The following PCSK6 variants were observed in gnomAD, a reference collection of about 807,000 sequenced individuals.
The protein encoded by PCSK6 is proprotein convertase subtilisin/kexin type 6.
A neutral mutation model predicts 123.3 loss-of-function variants in PCSK6; 85 were observed. The ratio of observed to expected loss-of-function variants is 0.69; its 90% confidence interval spans 0.58 to 0.83. The LOEUF (loss-of-function observed/expected upper bound fraction) is 0.83. PCSK6 is among the 40% of genes least tolerant of loss of function. The pLI, the probability that PCSK6 is intolerant of heterozygous loss-of-function variation, is 0.00. For synonymous variants in PCSK6, 508 were observed against 516.0 expected (o/e 0.98, Z 0.21); for missense variants, 1,191 against 1,282.3 (o/e 0.93, Z 1.09).
At chr15:101,331,731 C>A (rs748653776) in intron 14 of PCSK6, 42 bp from the exon 15 acceptor site, 1 of 1,546,986 alleles carries the variant, frequency 6.5e-7, no homozygotes, top group East Asian at 2.3e-5. Context: ...GACTCCCAGG[C>A]AAGAGAGACA....
chr15:101,424,842 A>T (rs761924899), intron 6 of PCSK6, among the ~76,000 whole-genome samples: 4 of 152,208 alleles, frequency 2.6e-5, no homozygotes, highest in Admixed American at 6.5e-5. Context: ...GATATGCATG[A>T]TAACAGGGAT....
At position 101,426,714 on chromosome 15, in the gene PCSK6, GGTACTGCTCATAA is replaced by G. The variant is rs1309699637; in HGVS notation, c.823+1165_823+1177del. Among the ~76,000 whole-genome samples the G allele has an allele frequency of 8.6e-5, 13 of 151,958 alleles. No individual in the cohort carries two copies. In the East Asian group the frequency reaches 2.5e-3, roughly 29 times the overall value. The stretch of plus-strand genomic sequence containing the variant: ...GAACCGTGGCCCAACCTCCCTGCCT[GGTACTGCTCATAA>G]GTGGAGCCAAAGCGGCTGCAGCCAC... On this transcript the variant is annotated intron_variant, in intron 6 of 21. Transcript: ENST00000611716.
intron 11 of PCSK6, among the ~76,000 whole-genome samples, chr15:101,371,437 T>C (rs1360965778): frequency 1.3e-5 from 2 of 152,052 alleles, no homozygotes; most frequent in Non-Finnish European, 2.9e-5. Context: ...CCTAAATATA[T>C]AAAAATAATT....
At chr15:101,439,108 T>G (rs567371466) in intron 2 of PCSK6, among the ~76,000 whole-genome samples, 7 of 152,130 alleles carry the variant, frequency 4.6e-5, no homozygotes, top group South Asian at 4.2e-4. Context: ...AGGCAAGAGA[T>G]GACAGGAGCT....
At chr15:101,440,391 T>C (rs1302815848) in intron 2 of PCSK6, among the ~76,000 whole-genome samples, 2 of 152,264 alleles carry the variant, frequency 1.3e-5, no homozygotes, top group African/African-American at 4.8e-5. Context: ...TAAGTGTGCG[T>C]GCACACACGT....
At chr15:101,424,612 G>C (rs1193162255) in intron 6 of PCSK6, among the ~76,000 whole-genome samples, 1 of 148,224 alleles carries the variant, frequency 6.7e-6, no homozygotes, top group Non-Finnish European at 1.5e-5. Context: ...CCAGTCAGTG[G>C]AATGGTACAC....
intron 6 of PCSK6, among the ~76,000 whole-genome samples, chr15:101,401,274 G>A (rs1256209807): frequency 6.6e-6 from 1 of 152,210 alleles, no homozygotes; most frequent in Admixed American, 6.5e-5. Flanking sequence ...CTGAAGTCAC[G>A]GGAAGAGCCA....
Position 101,305,158 on chromosome 15 carries a change from C to T in PCSK6, c.*100G>A. The T allele has an allele frequency of 1.0e-6, 1 of 975,744 alleles. No homozygotes were observed. Among genetic ancestry groups the T allele is most frequent in the Non-Finnish European group, 1.6e-6 (1 of 640,584 alleles). 60.4% of individuals were successfully genotyped at this position (975,744 alleles called of 1,614,324 possible). ...CCTGGGGAGATAAAGCTGTCAGGTG[C>T]AGGGCGCCGCTCCTGAAACAGACTC... On this transcript the variant is annotated 3_prime_UTR_variant, in exon 22 of 22. Transcript: ENST00000611716. This position sits in a 1 kb window ranked among gnomAD's most constrained non-coding sequence, Gnocchi z 4.8.
chr15:101,315,655 C>T (rs559430043), intron 19 of PCSK6, among the ~76,000 whole-genome samples: 3 of 152,362 alleles, frequency 2.0e-5, no homozygotes, highest in South Asian at 2.1e-4. Flanking sequence ...CAAGTAGTGC[C>T]GTCTCAGGCA....
intron 18 of PCSK6, among the ~76,000 whole-genome samples, chr15:101,322,054 T>G (rs756153892): frequency 6.6e-6 from 1 of 152,216 alleles, no homozygotes; most frequent in Non-Finnish European, 1.5e-5. Flanking sequence ...TTTATGGGGC[T>G]GAGCCTGATG....
rs147653090 is a variant in PCSK6 at position 101,416,507 on chromosome 15, G to A, written c.823+11385C>T. On this transcript the variant is annotated intron_variant, in intron 6 of 21. Transcript: ENST00000611716. Reference sequence around the variant, plus strand: ...TGAGGAGAAATTCAAGCCGGCTGCAGAAATCTGCATAAGTAACAAGGAATC... The same window carrying A: ...TGAGGAGAAATTCAAGCCGGCTGCAAAAATCTGCATAAGTAACAAGGAATC... 2.8e-3 allele frequency among the ~76,000 whole-genome samples: 425 copies of A among 152,356 alleles called. 3 individuals are homozygous for A. The highest frequency in any genetic ancestry group is 9.7e-3 in the African/African-American group (402 of 41,584).
chr15:101,390,414 G>A (rs1422284873), intron 8 of PCSK6, among the ~76,000 whole-genome samples: 1 of 84,724 alleles, frequency 1.2e-5, no homozygotes, highest in African/African-American at 5.2e-5. Context: ...AGTTAAGGTT[G>A]GTAGCCAGCC....
At chr15:101,438,595 C>G (rs1005494195) in intron 2 of PCSK6, among the ~76,000 whole-genome samples, 6 of 152,244 alleles carry the variant, frequency 3.9e-5, no homozygotes, top group African/African-American at 1.4e-4. Flanking sequence ...GGCATCCGCA[C>G]AGCAGCGTCA....
rs181645304 is a variant in PCSK6 at position 101,313,300 on chromosome 15, T to C, written c.2699+76A>G. On this transcript the variant is annotated intron_variant, in intron 20 of 21. Coordinates refer to ENST00000611716, the MANE Select transcript of PCSK6 (RefSeq NM_002570.5). ...TGCCCTCCCCGGCCCCTGGGGAAGA[T>C]GCTGCCAGACTCTGCCCTCCAGGCA... The C allele has an allele frequency of 3.4e-4, 551 of 1,610,310 alleles. 2 individuals are homozygous for C. In the African/African-American group the frequency reaches 6.8e-3, roughly 20 times the overall value.
chr15:101,333,432 C>T (rs2040411002), intron 13 of PCSK6, among the ~76,000 whole-genome samples: 2 of 152,238 alleles, frequency 1.3e-5, no homozygotes, highest in Non-Finnish European at 1.5e-5. Flanking sequence ...CCATTGCTGG[C>T]TCAATGTCTC....
intron 5 of PCSK6, among the ~76,000 whole-genome samples, chr15:101,429,489 A>G (rs1161157792): frequency 6.6e-6 from 1 of 152,166 alleles, no homozygotes; most frequent in Non-Finnish European, 1.5e-5. Flanking sequence ...TGAAGTTTCA[A>G]CCAGCTCACC....
intron 19 of PCSK6, among the ~76,000 whole-genome samples, chr15:101,314,495 G>A (rs2039942401): frequency 6.6e-6 from 1 of 152,196 alleles, no homozygotes; most frequent in African/African-American, 2.4e-5. Flanking sequence ...GATTGTGGTC[G>A]CAGATCGAGG....
Position 101,331,836 on chromosome 15 carries a change from A to G in PCSK6, c.2038+16T>C. 6.2e-7 allele frequency: 1 copy of G among 1,611,588 alleles called. No individual in the cohort carries two copies. The highest frequency in any genetic ancestry group is 1.1e-5 in the South Asian group (1 of 90,892). On this transcript the variant is annotated intron_variant, in intron 14 of 21. Coordinates refer to ENST00000611716, the MANE Select transcript of PCSK6 (RefSeq NM_002570.5). ...TCGTGGAAGCTGGCCGTCTCCTCTTACTTCAGGCTCATTACCTGTGTAATC... is the reference window on the plus strand; with the variant it reads ...TCGTGGAAGCTGGCCGTCTCCTCTTGCTTCAGGCTCATTACCTGTGTAATC...
rs199661913 is a variant in PCSK6 at position 101,398,883 on chromosome 15, CTAT to C, written c.824-310_824-308del. On this transcript the variant is annotated intron_variant, in intron 6 of 21. Coordinates refer to ENST00000611716, the MANE Select transcript of PCSK6 (RefSeq NM_002570.5). This position sits in a 1 kb window ranked among gnomAD's most constrained non-coding sequence, Gnocchi z 4.6. ...TGTTTTTTATTTTAAAAAACAAGACCTATTATTATTATTATTATTATTTATTAT... is the reference window on the plus strand; with the variant it reads ...TGTTTTTTATTTTAAAAAACAAGACCTATTATTATTATTATTATTTATTAT... Among the ~76,000 whole-genome samples, 45 of 150,674 alleles carry C rather than the reference CTAT, an allele frequency of 3.0e-4. No homozygotes were observed. Among genetic ancestry groups the C allele is most frequent in the African/African-American group, 7.3e-4 (30 of 40,860 alleles).
Sources: allele counts gnomAD v4.1 joint callset (sites outside exome capture counted in the v4.1 genomes callset), GRCh38; gene constraint gnomAD v4.1.1; non-coding constraint Gnocchi (gnomAD v3.1); transcripts MANE v1.5; gene names NCBI Gene and HGNC (gene_info 2026-07-23, HGNC 2026-07-21).